HUWE1: variants seen among roughly 807,000 people sequenced by gnomAD.
HUWE1 encodes E3 ubiquitin-protein ligase HUWE1.
Under a neutral mutation model 299.4 loss-of-function variants are expected in HUWE1, and 18 were observed. The ratio of observed to expected loss-of-function variants is 0.06; its 90% CI spans 0.04 to 0.09. The LOEUF (loss-of-function observed/expected upper bound fraction) is 0.09. Among genes scored for constraint, HUWE1 ranks in the 10% least tolerant of loss-of-function variants. HUWE1 has a pLI of 1.00. For missense variants in HUWE1, 1,832 were observed against 3,462.3 expected (o/e 0.53, Z 11.82); for synonymous variants, 1,317 against 1,286.1 (o/e 1.02, Z -0.51).
chrX:53,588,326 G>A, intron 37 of HUWE1, 56 bp downstream of exon 37: 1 of 1,125,207 alleles, frequency 8.9e-7, no homozygotes, highest in Non-Finnish European at 1.2e-6. Flanking sequence ...TATATGTTAA[G>A]TGTTTGATAA....
At chrX:53,578,393 C>CGGGA (rs1569463489) in intron 43 of HUWE1, among the ~76,000 whole-genome samples, 24 of 87,547 alleles carry the variant, frequency 2.7e-4, no homozygotes, top group African/African-American at 9.5e-4. Flanking sequence ...CCGCCCCGTC[C>CGGGA]GGGAGGTGAG....
intron 7 of HUWE1, among the ~76,000 whole-genome samples, chrX:53,639,542 G>C (rs1198265217): frequency 9.0e-6 from 1 of 111,366 alleles, no homozygotes; most frequent in Non-Finnish European, 1.9e-5. Context: ...AAGAAAACAA[G>C]GATGTAAGGT....
intron 2 of HUWE1, among the ~76,000 whole-genome samples, chrX:53,684,351 ATGAC>A (rs1363214340): frequency 2.7e-5 from 3 of 112,158 alleles, no homozygotes; most frequent in Admixed American, 9.4e-5. Context: ...CTTCATGAAA[ATGAC>A]TGGGAGTTTT....
intron 9 of HUWE1, 181 bp from the exon 10 acceptor site, chrX:53,631,795 A>G (rs1362358020): frequency 2.3e-6 from 1 of 443,531 alleles, no homozygotes; most frequent in Non-Finnish European, 3.9e-6. Context: ...TTATATGTAG[A>G]ATATTCTTAG....
At chrX:53,564,081 T>C (rs1454760011) in intron 51 of HUWE1, among the ~76,000 whole-genome samples, 4 of 112,054 alleles carry the variant, frequency 3.6e-5, no homozygotes, top group Admixed American at 9.4e-5. Flanking sequence ...GAAGACATAA[T>C]AGATCTCTTT....
chrX:53,584,449 A>G (rs1045088670), intron 40 of HUWE1, 104 bp from the exon 41 acceptor site: 30 of 676,149 alleles, frequency 4.4e-5, no homozygotes, highest in Admixed American at 6.1e-5. Context: ...ACAGGAAGGA[A>G]CTCTGGCAAT....
intron 4 of HUWE1, among the ~76,000 whole-genome samples, chrX:53,653,120 T>A (rs1217993297): frequency 8.9e-6 from 1 of 111,995 alleles, no homozygotes; most frequent in Non-Finnish European, 1.9e-5. Flanking sequence ...CACTCCAGCC[T>A]GTGTGACAGA....
intron 13 of HUWE1, 23 bp downstream of exon 13, chrX:53,629,493 T>C (rs1557020916): frequency 4.9e-6 from 5 of 1,015,597 alleles, no homozygotes; most frequent in Non-Finnish European, 7.0e-6. Flanking sequence ...AGCTAAGGGT[T>C]ACTCAACCTG....
rs1480484318 is a variant in HUWE1 at position 53,544,690 on chromosome X, C to T, written c.11121G>A (p.Leu3707=). The T allele has an allele frequency of 8.3e-7, 1 of 1,206,350 alleles. No homozygotes were observed. The highest frequency in any genetic ancestry group is 1.8e-5 in the African/African-American group (1 of 56,618). The change falls in exon 72 of 84, where the codon CTG becomes CTA. Residue 3707 remains leucine (L), a synonymous_variant. Transcript: ENST00000262854. ...TGGATGTCAACATGGACATAGAAGG[C>T]AGCTGGAGCTCCCGGCCACCCAAAG... ...KRPLGGRELQ[L]PSMSMLTSKT... is the part of the protein sequence containing the mutation.
chrX:53,546,086 A>G (rs1556922423), intron 70 of HUWE1, among the ~76,000 whole-genome samples: 1 of 111,483 alleles, frequency 9.0e-6, no homozygotes, highest in African/African-American at 3.3e-5. Flanking sequence ...CATACTTTGA[A>G]GGGGTGAAGC....
intron 3 of HUWE1, among the ~76,000 whole-genome samples, chrX:53,656,061 A>G (rs2068728977): frequency 1.8e-5 from 2 of 110,972 alleles, no homozygotes; most frequent in Non-Finnish European, 1.9e-5. Flanking sequence ...CCTGGGCAAC[A>G]GAGCGAGACT....
intron 4 of HUWE1, among the ~76,000 whole-genome samples, chrX:53,652,131 A>C (rs1045493581): frequency 8.9e-6 from 1 of 111,824 alleles, no homozygotes; most frequent in Non-Finnish European, 1.9e-5. Flanking sequence ...TCAAAACCAC[A>C]ATGAGATATT....
rs782649615 is a variant in HUWE1, at chrX:53,609,649, G to A, written c.2262-740C>T. Among the ~76,000 whole-genome samples, 6 of 112,234 alleles carry A rather than the reference G, an allele frequency of 5.3e-5. No individual in the cohort carries two copies. The East Asian group carries it at 1.4e-3, about 26-fold the overall frequency. On this transcript the variant is annotated intron_variant, in intron 23 of 83. Coordinates refer to ENST00000262854, the MANE Select transcript of HUWE1 (RefSeq NM_031407.7). Reference sequence around the variant, plus strand: ...CTCAATGCAAAAAACTACACATATAGTATATTGTGATGAATCAAAATATAC... The same window carrying A: ...CTCAATGCAAAAAACTACACATATAATATATTGTGATGAATCAAAATATAC...
Position 53,554,746 on chromosome X carries a change from C to G in HUWE1, c.8381G>C (p.Gly2794Ala). Residue 2794 changes from glycine to alanine, a missense_variant, in exon 61 of 84, where the codon GGG (glycine) becomes GCG (alanine). Gly to Ala is a moderately conservative substitution (Grantham distance 60). Transcript: ENST00000262854. ...CATCAATAGCTGTGTAGAGCTGCCC[C>G]CTTCTCCAGCTGGAGACTGCAGCTC... ...PQELQSPAGE[G>A]GSSTQLLMPV... is the part of the protein sequence containing the mutation. 3 of 1,209,733 alleles carry G rather than the reference C, an allele frequency of 2.5e-6. No individual in the cohort carries two copies. The highest frequency in any genetic ancestry group is 2.2e-6 in the Non-Finnish European group (2 of 894,664).
chrX:53,604,579 T>C lies in HUWE1; in HGVS notation c.2742+10A>G. Reference sequence around the variant, plus strand: ...TAAATTAATATGTTCACCCCTAAGGTTATTTTTACCTGTCCAACTCTGCAA... The same window carrying C: ...TAAATTAATATGTTCACCCCTAAGGCTATTTTTACCTGTCCAACTCTGCAA... On this transcript the variant is annotated intron_variant, in intron 26 of 83. Transcript: ENST00000262854. 4.1e-6 allele frequency: 5 copies of C among 1,210,333 alleles called. No homozygotes were observed. The South Asian group carries it at 8.8e-5, about 21-fold the overall frequency.
chrX:53,652,288 C>A (rs2068521613), intron 4 of HUWE1, among the ~76,000 whole-genome samples: 1 of 111,818 alleles, frequency 8.9e-6, no homozygotes, highest in Non-Finnish European at 1.9e-5. Flanking sequence ...CCTACATGTT[C>A]TACTTCTCCT....
At position 53,576,978 on chromosome X, in the gene HUWE1, G is replaced by C; in HGVS notation, c.5806C>G (p.Pro1936Ala). 1 of 1,201,106 alleles carries C rather than the reference G, an allele frequency of 8.3e-7. No individual in the cohort carries two copies. The highest frequency in any genetic ancestry group is 1.1e-6 in the Non-Finnish European group (1 of 885,954). Reference sequence around the variant, plus strand: ...TCCTTGATAGTATCAGGGATGACAGGCAGAGGTGAGGGCTTCAAAGGGGTG... The same window carrying C: ...TCCTTGATAGTATCAGGGATGACAGCCAGAGGTGAGGGCTTCAAAGGGGTG... ...KTTPLKPSPL[P>A]VIPDTIKEVI... The change falls in exon 44 of 84, where the codon CCT becomes GCT. Residue 1936 changes from proline (P) to alanine (A), a missense_variant. By Grantham distance (27) the Pro-to-Ala change is conservative. Transcript: ENST00000262854.
At chrX:53,603,347 G>C (rs1159309848) in intron 27 of HUWE1, 21 bp downstream of exon 27, 2 of 1,201,633 alleles carry the variant, frequency 1.7e-6, no homozygotes, top group African/African-American at 3.5e-5. Flanking sequence ...AAAGTAATAA[G>C]AGAGAGAGCC....
Position 53,564,594 on chromosome X carries a change from G to A in HUWE1, c.7009C>T (p.Leu2337Phe), listed in dbSNP as rs781866728. The change falls in exon 51 of 84, where the codon CTC (leucine) becomes TTC (phenylalanine). Residue 2337 changes from leucine to phenylalanine, a missense_variant. Physicochemically the swap from Leu to Phe is conservative, Grantham distance 22. Around this residue, in one of 15 missense-constraint regions of HUWE1, gnomAD observed 170 missense variants for 335.8 expected, o/e 0.51. Coordinates refer to ENST00000262854, the MANE Select transcript of HUWE1 (RefSeq NM_031407.7). ...SVVIAGQPEV[L>F]SSQEMQVENE... Reference sequence around the variant, plus strand: ...CCTACCTGCATCTCTTGTGAACTGAGCACCTCAGGCTGCCCAGCAATCACC... The same window carrying A: ...CCTACCTGCATCTCTTGTGAACTGAACACCTCAGGCTGCCCAGCAATCACC... 4 of 1,210,823 alleles carry A rather than the reference G, an allele frequency of 3.3e-6. No homozygotes were observed. The Admixed American group carries it at 6.5e-5, about 20-fold the overall frequency.
Sources: allele counts gnomAD v4.1 joint callset (sites outside exome capture counted in the v4.1 genomes callset), GRCh38; gene constraint gnomAD v4.1.1; regional missense constraint gnomAD v4.1.1; transcripts MANE v1.5; gene names NCBI Gene and HGNC (gene_info 2026-07-23, HGNC 2026-07-21).